Variants in DNAJC5B observed in about 807,000 individuals in gnomAD.
The protein encoded by DNAJC5B is DnaJ heat shock protein family (Hsp40) member C5 beta, also known as dnaJ homolog subfamily C member 5B.
Under a neutral mutation model 24.7 loss-of-function variants are expected in DNAJC5B, and 23 were observed. The observed-to-expected ratio is 0.93, with a 90% CI of 0.67 to 1.32. The LOEUF (loss-of-function observed/expected upper bound fraction) is 1.32, where lower values mean the gene tolerates loss of function less well. DNAJC5B is among the 40% of genes most tolerant of loss of function. The pLI is 0.00. For missense variants in DNAJC5B, 238 were observed against 240.8 expected (o/e 0.99, Z 0.08); for synonymous variants, 101 against 90.1 (o/e 1.12, Z -0.68).
At chr8:66,066,154 A>C (rs2128962075) in intron 3 of DNAJC5B, among the ~76,000 whole-genome samples, 1 of 152,372 alleles carries the variant, frequency 6.6e-6, no homozygotes, top group South Asian at 2.1e-4. Context: ...ATCATCAGGG[A>C]AATGCAAACT....
chr8:66,016,375 T>A, the DNAJC5B span, among the ~76,000 whole-genome samples: 1 of 152,150 alleles, frequency 6.6e-6, no homozygotes, highest in Non-Finnish European at 1.5e-5. Flanking sequence ...GTGTGTCTCA[T>A]GAGATCTGAT....
chr8:66,097,354 A>G (rs1203560585), intron 5 of DNAJC5B, among the ~76,000 whole-genome samples: 1 of 151,980 alleles, frequency 6.6e-6, no homozygotes. Flanking sequence ...TTTAAAGTCA[A>G]TTCTTATCTT....
At chr8:66,098,160 C>T (rs751048414) in intron 5 of DNAJC5B, among the ~76,000 whole-genome samples, 134 of 151,960 alleles carry the variant, frequency 8.8e-4, no homozygotes, top group Non-Finnish European at 1.2e-3. Flanking sequence ...AGCCCAAAAT[C>T]TTTATCTTTT....
At chr8:66,053,248 G>A (rs764902162) in intron 3 of DNAJC5B, among the ~76,000 whole-genome samples, 24 of 152,178 alleles carry the variant, frequency 1.6e-4, no homozygotes, top group Non-Finnish European at 2.5e-4. Flanking sequence ...AATTTGCTAA[G>A]ACTCAGGCTC....
intron 3 of DNAJC5B, chr8:66,058,018 A>G (rs1014518736): frequency 2.0e-5 from 3 of 152,376 alleles, no homozygotes; most frequent in Non-Finnish European, 4.4e-5. Context: ...GGGTAAATAC[A>G]AAAGACTATC....
At chr8:66,073,523 A>G (rs992141870) in intron 3 of DNAJC5B, among the ~76,000 whole-genome samples, 1 of 151,796 alleles carries the variant, frequency 6.6e-6, no homozygotes, top group African/African-American at 2.4e-5. Context: ...GTGTGTGTGT[A>G]AATTGACAAG....
At chr8:66,032,438 T>C (rs1189706007) in intron 1 of DNAJC5B, among the ~76,000 whole-genome samples, 1 of 152,268 alleles carries the variant, frequency 6.6e-6, no homozygotes, top group Non-Finnish European at 1.5e-5. Flanking sequence ...GTGCTCGTGC[T>C]TTGTGTGGAT....
At chr8:66,059,753 G>C (rs910964557) in intron 3 of DNAJC5B, among the ~76,000 whole-genome samples, 2 of 152,216 alleles carry the variant, frequency 1.3e-5, no homozygotes, top group Non-Finnish European at 2.9e-5. Flanking sequence ...TTGCCACCCT[G>C]TAGCTGATGC....
intron 5 of DNAJC5B, among the ~76,000 whole-genome samples, chr8:66,086,022 T>C (rs1318966974): frequency 6.6e-6 from 1 of 152,212 alleles, no homozygotes; most frequent in Non-Finnish European, 1.5e-5. Flanking sequence ...TCTTGTTAAA[T>C]GGGTACCTAA....
intron 5 of DNAJC5B, among the ~76,000 whole-genome samples, chr8:66,094,222 CT>C (rs2128966978): frequency 6.6e-6 from 1 of 152,104 alleles, no homozygotes; most frequent in South Asian, 2.1e-4. Context: ...CTAAGCAAAA[CT>C]TTTTAGGATC....
intron 3 of DNAJC5B, among the ~76,000 whole-genome samples, chr8:66,068,927 A>G (rs1807283922): frequency 6.6e-6 from 1 of 152,186 alleles, no homozygotes; most frequent in Non-Finnish European, 1.5e-5. Context: ...GACAGAGGAC[A>G]AAAGTCTTCA....
At chr8:66,099,574 A>G (rs1346935371) in intron 5 of DNAJC5B, among the ~76,000 whole-genome samples, 1 of 152,204 alleles carries the variant, frequency 6.6e-6, no homozygotes, top group Non-Finnish European at 1.5e-5. Context: ...GTTGTAGTCT[A>G]TATGAAAGGT....
Position 66,039,995 on chromosome 8 carries a change from T to A in DNAJC5B, c.-141-3493T>A, listed in dbSNP as rs139833112. Among the ~76,000 whole-genome samples the A allele has an allele frequency of 3.2e-3, 493 of 152,348 alleles. 3 individuals carry two copies. Among genetic ancestry groups the A allele is most frequent in the African/African-American group, 0.011 (467 of 41,572 alleles). The stretch of plus-strand genomic sequence containing the variant: ...ATGTATATAAACGTTCTTAGTATAA[T>A]TCTTGGCACATCGTAGTAGACATTT... On this transcript the variant is annotated intron_variant, in intron 1 of 5. Transcript: ENST00000276570.
chr8:66,071,089 C>T lies in DNAJC5B; in HGVS notation c.120-5571C>T, dbSNP rs144395939. Reference sequence around the variant, plus strand: ...AAGACTTAAATGTAAGACCTAGTACCATAAAAATCCTAGAGGAAAACCTAG... The same window carrying T: ...AAGACTTAAATGTAAGACCTAGTACTATAAAAATCCTAGAGGAAAACCTAG... On this transcript the variant is annotated intron_variant, in intron 3 of 5. Transcript: ENST00000276570. Among the ~76,000 whole-genome samples, 476 of 152,196 alleles carry T rather than the reference C, an allele frequency of 3.1e-3. 3 individuals carry two copies. Among genetic ancestry groups the T allele is most frequent in the African/African-American group, 0.011 (454 of 41,518 alleles).
intron 5 of DNAJC5B, among the ~76,000 whole-genome samples, chr8:66,097,881 C>T (rs112806332): frequency 0.062 from 9,473 of 152,110 alleles, 429 homozygotes; most frequent in African/African-American, 0.11. Flanking sequence ...CGGAGTTTCG[C>T]TCTTGTCACC....
intron 3 of DNAJC5B, among the ~76,000 whole-genome samples, chr8:66,072,595 G>C (rs1181724615): frequency 2.0e-5 from 3 of 152,054 alleles, no homozygotes; most frequent in African/African-American, 7.2e-5. Context: ...TTTTTAAATA[G>C]CTGGAAATTT....
chr8:66,068,128 T>C (rs1440782180), intron 3 of DNAJC5B, among the ~76,000 whole-genome samples: 2 of 152,210 alleles, frequency 1.3e-5, no homozygotes, highest in Non-Finnish European at 2.9e-5. Context: ...ATCTTCTTAG[T>C]CCTCAAATTA....
At chr8:66,073,952 A>T (rs1414408688) in intron 3 of DNAJC5B, among the ~76,000 whole-genome samples, 1 of 152,220 alleles carries the variant, frequency 6.6e-6, no homozygotes, top group East Asian at 1.9e-4. Context: ...AATTAAAAGA[A>T]AGAATTTGTG....
chr8:66,019,206 T>G (rs1484430583), upstream of DNAJC5B, among the ~76,000 whole-genome samples: 1 of 152,206 alleles, frequency 6.6e-6, no homozygotes, highest in Admixed American at 6.5e-5. Context: ...AGCAAAGAGG[T>G]TTGATCCCTG....
Sources: gnomAD v4.1 joint callset for allele counts (sites outside exome capture counted in the v4.1 genomes callset) on GRCh38, gnomAD v4.1.1 for gene constraint, MANE v1.5 for transcripts, NCBI Gene and HGNC (gene_info 2026-07-23, HGNC 2026-07-21) for gene names.